The following TCF4 variants were observed in gnomAD, a reference collection of about 807,000 sequenced individuals.
TCF4 encodes SL3-3 enhancer factor 2.
TCF4 carries 3 observed loss-of-function variants against 82.1 expected under a neutral mutation model. That is an observed-to-expected ratio of 0.04 (90% CI 0.02 to 0.09). The LOEUF (loss-of-function observed/expected upper bound fraction) is 0.09. TCF4 is among the 10% of genes least tolerant of loss of function. The pLI, the probability that TCF4 is intolerant of heterozygous loss-of-function variation, is 1.00. For missense variants in TCF4, 518 were observed against 852.7 expected, an observed-to-expected ratio of 0.61 and a Z score of 4.89; for synonymous variants, 276 against 309.6, an observed-to-expected ratio of 0.89 and a Z score of 1.14.
rs1315627494 is a variant in TCF4, at chr18:55,396,085, G to A, written c.369+7369C>T. The stretch of plus-strand genomic sequence containing the variant: ...TGTGTCAGGCCCAGATCCCCCAGTG[G>A]GCCTGGAATCGACCAGACAGGGTTT... On this transcript the variant is annotated intron_variant, in intron 6 of 19. Coordinates refer to ENST00000354452, the MANE Select transcript of TCF4 (RefSeq NM_001083962.2). Among the ~76,000 whole-genome samples the A allele has an allele frequency of 2.0e-5, 3 of 152,044 alleles. No individual in the cohort carries two copies. In the East Asian group the frequency reaches 5.8e-4, roughly 29 times the overall value.
chr18:55,411,296 T>C (rs547239206), intron 5 of TCF4, among the ~76,000 whole-genome samples: 2 of 152,230 alleles, frequency 1.3e-5, no homozygotes, highest in African/African-American at 4.8e-5. Context: ...ATTGGCTTTA[T>C]GTGAATAACA....
At chr18:55,425,527 A>G (rs1159987779) in intron 5 of TCF4, among the ~76,000 whole-genome samples, 1 of 151,304 alleles carries the variant, frequency 6.6e-6, no homozygotes, top group Non-Finnish European at 1.5e-5. Context: ...AAAAAAAAAA[A>G]CAGAAAACAT....
At chr18:55,432,478 T>G (rs2095232606) in intron 5 of TCF4, among the ~76,000 whole-genome samples, 2 of 152,258 alleles carry the variant, frequency 1.3e-5, no homozygotes, top group Non-Finnish European at 1.5e-5. Context: ...TACAACCTTG[T>G]AAGGTTGGCC....
At chr18:55,449,368 A>G (rs2095582058) in intron 5 of TCF4, among the ~76,000 whole-genome samples, 1 of 152,250 alleles carries the variant, frequency 6.6e-6, no homozygotes, top group Non-Finnish European at 1.5e-5. Flanking sequence ...GAAAAAACAT[A>G]CACACCATAT....
chr18:55,627,561 C>T (rs113174202), intron 2 of TCF4, among the ~76,000 whole-genome samples: 1 of 150,228 alleles, frequency 6.7e-6, no homozygotes, highest in African/African-American at 2.5e-5. Flanking sequence ...GTCAGGAGTT[C>T]GAGACCAGCC....
intron 5 of TCF4, among the ~76,000 whole-genome samples, chr18:55,418,210 A>G (rs1021153932): frequency 3.3e-5 from 5 of 152,074 alleles, no homozygotes; most frequent in Admixed American, 2.0e-4. Context: ...TTCATTCTCT[A>G]TTTCTCCAGA....
intron 4 of TCF4, among the ~76,000 whole-genome samples, chr18:55,462,819 T>C (rs1204150170): frequency 6.6e-6 from 1 of 152,090 alleles, no homozygotes; most frequent in Non-Finnish European, 1.5e-5. Flanking sequence ...CCTCAACCCA[T>C]CCATATAAAG....
Position 55,403,528 on chromosome 18 carries a change from G to C in TCF4, c.305-10C>G, listed in dbSNP as rs1424011367. ...CCCCTTTCTGTTTTACCTGCCAAGA[G>C]AAACGACAAAAAAGTGTAAATTGTG... On this transcript the variant is annotated splice_polypyrimidine_tract_variant and intron_variant, in intron 5 of 19. Coordinates refer to ENST00000354452, the MANE Select transcript of TCF4 (RefSeq NM_001083962.2). The C allele has an allele frequency of 6.2e-7, 1 of 1,613,726 alleles. No homozygotes were observed.
chr18:55,470,248 G>A (rs1603502628), intron 3 of TCF4, among the ~76,000 whole-genome samples: 2 of 152,170 alleles, frequency 1.3e-5, no homozygotes, highest in African/African-American at 4.8e-5. Flanking sequence ...TATCATGAGT[G>A]CCTAATTTAA....
intron 3 of TCF4, among the ~76,000 whole-genome samples, chr18:55,471,018 C>G (rs561880601): frequency 1.4e-4 from 22 of 152,260 alleles, no homozygotes; most frequent in African/African-American, 5.1e-4. Context: ...CAGGAAGAAC[C>G]CTTGGCTGAG....
At chr18:55,501,671 TA>T (rs1357645516) in intron 3 of TCF4, among the ~76,000 whole-genome samples, 1 of 150,824 alleles carries the variant, frequency 6.6e-6, no homozygotes, top group Non-Finnish European at 1.5e-5. Flanking sequence ...GTTAGCAGAT[TA>T]AAAACCCCTT....
intron 5 of TCF4, among the ~76,000 whole-genome samples, chr18:55,460,216 T>C (rs958552532): frequency 3.3e-5 from 5 of 152,192 alleles, no homozygotes; most frequent in African/African-American, 1.2e-4. Flanking sequence ...TTGAGAGATT[T>C]ACTAATATTG....
intron 3 of TCF4, among the ~76,000 whole-genome samples, chr18:55,521,351 T>C (rs1229073795): frequency 6.6e-6 from 1 of 152,214 alleles, no homozygotes; most frequent in Non-Finnish European, 1.5e-5. Flanking sequence ...TAGCTTCTAA[T>C]AAAGAATAAC....
chr18:55,635,761 A>G (rs1306091047), exon 1 of TCF4: 1 of 1,550,530 alleles, frequency 6.4e-7, no homozygotes, highest in African/African-American at 1.4e-5. Context: ...GCATGTTACA[A>G]TGTCCTGAGA....
At chr18:55,568,697 T>C (rs1365462748) in intron 3 of TCF4, among the ~76,000 whole-genome samples, 2 of 152,138 alleles carry the variant, frequency 1.3e-5, no homozygotes, top group Non-Finnish European at 2.9e-5. Flanking sequence ...GATTGTTTCA[T>C]CCTTATTTAA....
chr18:55,350,044 C>T (rs1326919414), intron 8 of TCF4, among the ~76,000 whole-genome samples: 1 of 152,176 alleles, frequency 6.6e-6, no homozygotes, highest in Non-Finnish European at 1.5e-5. Flanking sequence ...ATTTAACCAA[C>T]ACATGAAACT....
rs114143314 is a variant in TCF4, at chr18:55,512,067, C to A, written c.146-47930G>T. 2.0e-3 allele frequency among the ~76,000 whole-genome samples: 306 copies of A among 152,196 alleles called. 1 individual carries two copies. The highest frequency in any genetic ancestry group is 7.1e-3 in the African/African-American group (296 of 41,530). ...AATGCCAATTTCTAAAAGAACACAA[C>A]CAGATACTATGTCGACTACCACGTT... On this transcript the variant is annotated intron_variant, in intron 3 of 19. Coordinates refer to ENST00000354452, the MANE Select transcript of TCF4 (RefSeq NM_001083962.2).
intron 3 of TCF4, among the ~76,000 whole-genome samples, chr18:55,534,357 AGACAGT>A (rs1210049657): frequency 1.3e-5 from 2 of 152,246 alleles, no homozygotes; most frequent in Non-Finnish European, 2.9e-5. Context: ...TAGGTCCCAT[AGACAGT>A]AAGTTCCATG....
chr18:55,595,897 C>CGGT (rs1296817801), intron 2 of TCF4, among the ~76,000 whole-genome samples: 3 of 152,016 alleles, frequency 2.0e-5, no homozygotes, highest in African/African-American at 7.2e-5. Flanking sequence ...GTCTGTACGT[C>CGGT]GGTGGTCTCG....
Sources: gnomAD v4.1 joint callset for allele counts (sites outside exome capture counted in the v4.1 genomes callset) on GRCh38, gnomAD v4.1.1 for gene constraint, MANE v1.5 for transcripts, NCBI Gene and HGNC (gene_info 2026-07-23, HGNC 2026-07-21) for gene names.